The following GALNT13 variants were observed in gnomAD, a reference collection of about 807,000 sequenced individuals.
GALNT13 encodes polypeptide N-acetylgalactosaminyltransferase 13.
In GALNT13, 28 loss-of-function variants were observed where a neutral mutation model predicts 64.2. The ratio of observed to expected loss-of-function variants is 0.44; its 90% CI spans 0.32 to 0.60. GALNT13 has a LOEUF of 0.60. GALNT13 is among the 20% of genes least tolerant of loss of function. The pLI is 0.05. For synonymous variants in GALNT13, 214 were observed against 224.6 expected (o/e 0.95, Z 0.42); for missense variants, 577 against 669.8 (o/e 0.86, Z 1.53).
the GALNT13 span, among the ~76,000 whole-genome samples, chr2:153,088,490 A>G: frequency 1.3e-5 from 2 of 152,094 alleles, no homozygotes; most frequent in African/African-American, 2.4e-5. Flanking sequence ...GTTCTAGGGT[A>G]TAGTTCGAGT....
intron 9 of GALNT13, among the ~76,000 whole-genome samples, chr2:154,362,416 C>A (rs1008125138): frequency 6.6e-6 from 1 of 151,996 alleles, no homozygotes; most frequent in Non-Finnish European, 1.5e-5. Context: ...CCCCACCTCT[C>A]CTTTCATCTT....
chr2:153,654,991 T>C, the GALNT13 span, among the ~76,000 whole-genome samples: 2 of 152,166 alleles, frequency 1.3e-5, no homozygotes, highest in African/African-American at 4.8e-5. Context: ...CTAACTTATG[T>C]TAAGTATTAA....
chr2:153,311,739 C>A, the GALNT13 span, among the ~76,000 whole-genome samples: 1 of 152,180 alleles, frequency 6.6e-6, no homozygotes, highest in African/African-American at 2.4e-5. Context: ...AGACTGCACT[C>A]AAGAAGGAAG....
the GALNT13 span, among the ~76,000 whole-genome samples, chr2:153,632,187 G>A: frequency 6.6e-6 from 1 of 151,992 alleles, no homozygotes; most frequent in Non-Finnish European, 1.5e-5. Flanking sequence ...TTTTTTCCTG[G>A]TGATTAAAAC....
chr2:153,868,008 C>T (rs1359222476), upstream of GALNT13, among the ~76,000 whole-genome samples: 1 of 152,190 alleles, frequency 6.6e-6, no homozygotes, highest in East Asian at 1.9e-4. Flanking sequence ...GGGTTGCAGA[C>T]CTTTGGGTTA....
the GALNT13 span, among the ~76,000 whole-genome samples, chr2:153,494,239 C>T: frequency 3.9e-4 from 59 of 151,926 alleles, no homozygotes; most frequent in Non-Finnish European, 5.0e-4. Flanking sequence ...TTTTTCCCAA[C>T]ACAATTCCAA....
At chr2:153,605,755 T>G in the GALNT13 span, among the ~76,000 whole-genome samples, 5 of 151,990 alleles carry the variant, frequency 3.3e-5, no homozygotes, top group African/African-American at 1.2e-4. Context: ...CCAAAAGGGG[T>G]TGGTCAGAGT....
At chr2:153,385,210 G>C in the GALNT13 span, among the ~76,000 whole-genome samples, 4 of 152,046 alleles carry the variant, frequency 2.6e-5, no homozygotes, top group Non-Finnish European at 5.9e-5. Flanking sequence ...GAGGAAATAA[G>C]TATATCAAAC....
intron 4 of GALNT13, among the ~76,000 whole-genome samples, chr2:154,208,630 G>A (rs1018329580): frequency 6.0e-5 from 4 of 66,716 alleles, no homozygotes; most frequent in Non-Finnish European, 9.4e-5. Flanking sequence ...GTGTCTGTGT[G>A]TGTGTGTGTG....
At chr2:154,316,723 G>A (rs1694338895) in intron 9 of GALNT13, among the ~76,000 whole-genome samples, 1 of 152,078 alleles carries the variant, frequency 6.6e-6, no homozygotes, top group Non-Finnish European at 1.5e-5. Context: ...TTCTTCTTTT[G>A]CCCCAAGTCC....
At chr2:153,616,661 A>C in the GALNT13 span, among the ~76,000 whole-genome samples, 12 of 151,720 alleles carry the variant, frequency 7.9e-5, no homozygotes, top group Non-Finnish European at 1.8e-4. Context: ...GTTAATTTCT[A>C]GGTATTTAAT....
At chr2:154,149,534 T>C (rs1050217313) in intron 4 of GALNT13, among the ~76,000 whole-genome samples, 3 of 152,162 alleles carry the variant, frequency 2.0e-5, no homozygotes, top group South Asian at 2.1e-4. Context: ...GCCATTTTCA[T>C]GGTATTGATT....
chr2:154,149,565 A>G (rs1053435401), intron 4 of GALNT13, among the ~76,000 whole-genome samples: 5 of 152,074 alleles, frequency 3.3e-5, no homozygotes, highest in East Asian at 1.9e-4. Flanking sequence ...ATGAGCATGG[A>G]ATGTTCTTCC....
At chr2:153,403,026 T>G in the GALNT13 span, among the ~76,000 whole-genome samples, 6 of 151,350 alleles carry the variant, frequency 4.0e-5, no homozygotes, top group Admixed American at 3.9e-4. Context: ...GTTTCCAGTT[T>G]TTCTGTTCTG....
intron 2 of GALNT13, among the ~76,000 whole-genome samples, chr2:153,920,399 A>G (rs1038607768): frequency 6.6e-6 from 1 of 152,126 alleles, no homozygotes; most frequent in Non-Finnish European, 1.5e-5. Context: ...TCTGTATTCA[A>G]TAAATGGTGC....
chr2:153,619,919 C>A, the GALNT13 span, among the ~76,000 whole-genome samples: 2 of 152,096 alleles, frequency 1.3e-5, no homozygotes, highest in East Asian at 3.9e-4. Flanking sequence ...TAAATGCCTT[C>A]AGGTAGTTTT....
the GALNT13 span, among the ~76,000 whole-genome samples, chr2:153,495,209 G>A: frequency 6.6e-6 from 1 of 151,982 alleles, no homozygotes; most frequent in Non-Finnish European, 1.5e-5. Flanking sequence ...CTACACAATG[G>A]TACAATCCTT....
intron 9 of GALNT13, among the ~76,000 whole-genome samples, chr2:154,359,821 A>G (rs1194120882): frequency 6.6e-6 from 1 of 152,118 alleles, no homozygotes; most frequent in East Asian, 1.9e-4. Flanking sequence ...GGTTTACTCA[A>G]AATCAATGTG....
chr2:153,366,134 C>T, the GALNT13 span, among the ~76,000 whole-genome samples: 1 of 152,054 alleles, frequency 6.6e-6, no homozygotes, highest in Non-Finnish European at 1.5e-5. Context: ...AGCAAGCTAA[C>T]AAAGGAACAG....
Sources: allele counts gnomAD v4.1 joint callset (sites outside exome capture counted in the v4.1 genomes callset), GRCh38; gene constraint gnomAD v4.1.1; transcripts MANE v1.5; gene names NCBI Gene and HGNC (gene_info 2026-07-23, HGNC 2026-07-21).